Variants in KCNIP4 observed in about 807,000 individuals in gnomAD.
KCNIP4 encodes Kv channel-interacting protein 4.
KCNIP4 carries 12 observed loss-of-function variants against 34.0 expected under a neutral mutation model. The ratio of observed to expected loss-of-function variants is 0.35; its 90% confidence interval spans 0.23 to 0.57. The LOEUF is 0.57. KCNIP4 is among the 20% of genes least tolerant of loss of function. The pLI is 0.83. For synonymous variants in KCNIP4, 124 were observed against 102.2 expected (o/e 1.21, Z -1.29); for missense variants, 238 against 311.7 (o/e 0.76, Z 1.78).
intron 1 of KCNIP4, among the ~76,000 whole-genome samples, chr4:21,308,190 A>G (rs889038965): frequency 1.6e-4 from 24 of 152,204 alleles, no homozygotes; most frequent in Non-Finnish European, 1.8e-4. Context: ...GAGGAAACCT[A>G]AATACTGGCT....
At chr4:21,142,806 T>C (rs913047484) in intron 1 of KCNIP4, among the ~76,000 whole-genome samples, 1 of 152,176 alleles carries the variant, frequency 6.6e-6, no homozygotes, top group Non-Finnish European at 1.5e-5. Flanking sequence ...GATTAAGGAA[T>C]AAAACTGCAA....
chr4:21,048,470 G>A (rs1056628542), intron 1 of KCNIP4, among the ~76,000 whole-genome samples: 5 of 152,090 alleles, frequency 3.3e-5, no homozygotes, highest in Admixed American at 1.3e-4. Context: ...CATTTGTTAC[G>A]CACTATCTCT....
At chr4:20,859,931 G>A (rs1288494454) in intron 2 of KCNIP4, among the ~76,000 whole-genome samples, 2 of 152,160 alleles carry the variant, frequency 1.3e-5, no homozygotes, top group Non-Finnish European at 2.9e-5. Context: ...GGCCATGTGT[G>A]CAGAGATGAG....
intron 1 of KCNIP4, among the ~76,000 whole-genome samples, chr4:21,444,353 G>A (rs1477166274): frequency 6.6e-6 from 1 of 152,186 alleles, no homozygotes; most frequent in Non-Finnish European, 1.5e-5. Flanking sequence ...TATCCCTGAT[G>A]AACATTGATG....
intron 1 of KCNIP4, among the ~76,000 whole-genome samples, chr4:21,149,430 C>G (rs1752606202): frequency 6.6e-6 from 1 of 152,050 alleles, no homozygotes; most frequent in Non-Finnish European, 1.5e-5. Context: ...TAGGAGTTAT[C>G]TAGGTGAACA....
chr4:21,519,498 ATGTG>A lies in KCNIP4; in HGVS notation c.61+429069_61+429072del, dbSNP rs1190069836. Among the ~76,000 whole-genome samples, 392 of 112,364 alleles carry A rather than the reference ATGTG, an allele frequency of 3.5e-3. 57 individuals carry two copies. Among genetic ancestry groups the A allele is most frequent in the East Asian group, 0.013 (42 of 3,118 alleles). The allele number at this position is 112,364 out of a possible 152,430, so 73.7% of individuals were successfully genotyped here. On this transcript the variant is annotated intron_variant, in intron 1 of 8. Transcript: ENST00000382152. Reference sequence around the variant, plus strand: ...TATGTGTATATACACATATGTGTGTATGTGTATGTGTATATACACATATGTGTGT... The same window carrying A: ...TATGTGTATATACACATATGTGTGTATATGTGTATATACACATATGTGTGT...
At position 21,008,660 on chromosome 4, in the gene KCNIP4, A is replaced by G. The variant is rs541559305; in HGVS notation, c.62-125951T>C. On this transcript the variant is annotated intron_variant, in intron 1 of 8. Coordinates refer to ENST00000382152, the MANE Select transcript of KCNIP4 (RefSeq NM_025221.6). ...TGCCTCAGCCTCCCAAGTAGCTGGGACTGCAGGCGCCCGCCACCACGCCCG... is the reference window on the plus strand; with the variant it reads ...TGCCTCAGCCTCCCAAGTAGCTGGGGCTGCAGGCGCCCGCCACCACGCCCG... 4.0e-5 allele frequency among the ~76,000 whole-genome samples: 6 copies of G among 151,508 alleles called. No individual in the cohort carries two copies. In the South Asian group the frequency reaches 1.3e-3, roughly 32 times the overall value.
At chr4:21,405,802 T>C (rs1395980789) in intron 1 of KCNIP4, among the ~76,000 whole-genome samples, 1 of 152,214 alleles carries the variant, frequency 6.6e-6, no homozygotes, top group Admixed American at 6.6e-5. Context: ...TCTCAGTCCA[T>C]CACAGCTAGT....
intron 1 of KCNIP4, among the ~76,000 whole-genome samples, chr4:20,903,356 GC>G (rs1278705506): frequency 6.6e-6 from 1 of 152,040 alleles, no homozygotes; most frequent in African/African-American, 2.4e-5. Flanking sequence ...ATATATTACT[GC>G]ATATTTAAGC....
chr4:21,039,890 G>T (rs1741798191), intron 1 of KCNIP4, among the ~76,000 whole-genome samples: 1 of 152,154 alleles, frequency 6.6e-6, no homozygotes, highest in Non-Finnish European at 1.5e-5. Context: ...AGAACTGCCT[G>T]AGACTGGATA....
chr4:21,365,280 T>A (rs903349680), intron 1 of KCNIP4, among the ~76,000 whole-genome samples: 38 of 151,656 alleles, frequency 2.5e-4, no homozygotes, highest in African/African-American at 9.2e-4. Context: ...AGGTCAAGAG[T>A]TCAAGACCAG....
At chr4:21,241,753 T>G (rs1334723943) in intron 1 of KCNIP4, among the ~76,000 whole-genome samples, 1 of 152,190 alleles carries the variant, frequency 6.6e-6, no homozygotes, top group Admixed American at 6.5e-5. Context: ...AGGTACCAGC[T>G]AGAAGTTCCA....
chr4:21,157,945 G>A (rs1753268490), intron 1 of KCNIP4, among the ~76,000 whole-genome samples: 1 of 150,764 alleles, frequency 6.6e-6, no homozygotes, highest in Admixed American at 6.6e-5. Context: ...AGGCTAATCA[G>A]AAAAAAAGAG....
Position 21,101,522 on chromosome 4 carries a change from T to C in KCNIP4, c.62-218813A>G, listed in dbSNP as rs564817560. On this transcript the variant is annotated intron_variant, in intron 1 of 8. Transcript: ENST00000382152. ...CATAAGAGTGCAAGTATATATTCTT[T>C]TATTTATATAAAATATCCAAAGAAG... 5.9e-5 allele frequency among the ~76,000 whole-genome samples: 9 copies of C among 152,288 alleles called. 1 individual carries two copies. In the South Asian group the frequency reaches 1.2e-3, roughly 21 times the overall value.
chr4:21,305,642 G>A (rs757136253), intron 1 of KCNIP4, among the ~76,000 whole-genome samples: 46 of 152,102 alleles, frequency 3.0e-4, no homozygotes, highest in African/African-American at 1.0e-3. Flanking sequence ...TTTTCTCTCC[G>A]TGATCCGGTA....
chr4:21,213,747 C>A (rs1351593406), intron 1 of KCNIP4, among the ~76,000 whole-genome samples: 1 of 152,146 alleles, frequency 6.6e-6, no homozygotes, highest in Admixed American at 6.5e-5. Flanking sequence ...ATGGTTTGGC[C>A]CATGTATGGG....
intron 1 of KCNIP4, among the ~76,000 whole-genome samples, chr4:21,362,834 G>T (rs184569776): frequency 2.6e-5 from 4 of 152,078 alleles, no homozygotes; most frequent in Non-Finnish European, 5.9e-5. Context: ...TTATCCCGCC[G>T]TTTATATGCA....
chr4:20,754,190 G>T (rs1754114185), intron 4 of KCNIP4, among the ~76,000 whole-genome samples: 1 of 152,060 alleles, frequency 6.6e-6, no homozygotes, highest in Non-Finnish European at 1.5e-5. Flanking sequence ...CCAACAAGAG[G>T]CTTTTGTTCA....
intron 1 of KCNIP4, among the ~76,000 whole-genome samples, chr4:20,907,786 C>T (rs1159821299): frequency 6.6e-6 from 1 of 152,028 alleles, no homozygotes; most frequent in East Asian, 1.9e-4. Context: ...GGCGCGATCT[C>T]GGCTCACTGC....
Sources: gnomAD v4.1 joint callset for allele counts (sites outside exome capture counted in the v4.1 genomes callset) on GRCh38, gnomAD v4.1.1 for gene constraint, MANE v1.5 for transcripts, NCBI Gene and HGNC (gene_info 2026-07-23, HGNC 2026-07-21) for gene names.